The following RIMS2 variants were observed in gnomAD, a reference collection of about 807,000 sequenced individuals.
RIMS2 encodes the protein regulating synaptic membrane exocytosis 2.
Under a neutral mutation model 174.4 loss-of-function variants are expected in RIMS2, and 59 were observed. That is an observed-to-expected ratio of 0.34 (90% CI 0.27 to 0.42). The LOEUF (loss-of-function observed/expected upper bound fraction) is 0.42. RIMS2 is among the 10% of genes least tolerant of loss of function. The pLI is 1.00. For synonymous variants in RIMS2, 606 were observed against 572.5 expected (o/e 1.06, Z -0.84); for missense variants, 1,620 against 1,666.3 (o/e 0.97, Z 0.48).
chr8:103,723,382 C>T (rs2097481157), intron 2 of RIMS2, among the ~76,000 whole-genome samples: 1 of 152,204 alleles, frequency 6.6e-6, no homozygotes. Context: ...TACCAGTTAG[C>T]CTGTTCAGAG....
intron 1 of RIMS2, among the ~76,000 whole-genome samples, chr8:103,592,883 G>A (rs902715184): frequency 2.6e-5 from 4 of 151,322 alleles, no homozygotes; most frequent in South Asian, 4.2e-4. Context: ...TTAATATCCC[G>A]TGTGATGAAA....
chr8:104,198,535 A>C (rs2099037366), intron 19 of RIMS2, among the ~76,000 whole-genome samples: 1 of 152,236 alleles, frequency 6.6e-6, no homozygotes, highest in African/African-American at 2.4e-5. Flanking sequence ...CCAAATTCAC[A>C]AGAGTCACAA....
intron 1 of RIMS2, among the ~76,000 whole-genome samples, chr8:103,533,220 G>GA (rs1010303144): frequency 9.2e-5 from 14 of 152,274 alleles, no homozygotes; most frequent in African/African-American, 3.4e-4. Context: ...TGCAGGAACT[G>GA]AAAAAATGTA....
chr8:103,537,048 A>C (rs1189453106), intron 1 of RIMS2, among the ~76,000 whole-genome samples: 1 of 152,222 alleles, frequency 6.6e-6, no homozygotes, highest in East Asian at 1.9e-4. Flanking sequence ...GGCACTGGGG[A>C]TACATAGATG....
chr8:104,083,647 A>G (rs972853059), intron 19 of RIMS2, among the ~76,000 whole-genome samples: 7 of 152,194 alleles, frequency 4.6e-5, no homozygotes, highest in Admixed American at 6.5e-5. Flanking sequence ...ATTTAGTCAT[A>G]ATAAAAACAT....
At chr8:103,903,186 C>T (rs1039030252) in intron 4 of RIMS2, among the ~76,000 whole-genome samples, 1 of 152,000 alleles carries the variant, frequency 6.6e-6, no homozygotes, top group Non-Finnish European at 1.5e-5. Flanking sequence ...GATATCACAA[C>T]TAATTTTTTT....
chr8:104,147,654 T>C (rs2098652900), intron 19 of RIMS2, among the ~76,000 whole-genome samples: 1 of 152,198 alleles, frequency 6.6e-6, no homozygotes, highest in Admixed American at 6.5e-5. Context: ...TAAAACTTTC[T>C]AATACTGAGT....
chr8:104,249,805 A>G (rs1270933533), intron 22 of RIMS2, among the ~76,000 whole-genome samples: 1 of 152,216 alleles, frequency 6.6e-6, no homozygotes, highest in East Asian at 1.9e-4. Flanking sequence ...TTAAATAAGT[A>G]CATACATAGT....
chr8:103,753,662 T>G (rs1008048270), intron 2 of RIMS2, among the ~76,000 whole-genome samples: 1 of 152,116 alleles, frequency 6.6e-6, no homozygotes, highest in Non-Finnish European at 1.5e-5. Flanking sequence ...CTTGGGAGGG[T>G]GTATGTGTCC....
intron 3 of RIMS2, among the ~76,000 whole-genome samples, chr8:103,783,889 G>C (rs2098416386): frequency 6.6e-6 from 1 of 152,054 alleles, no homozygotes; most frequent in African/African-American, 2.4e-5. Context: ...CACCAACAGT[G>C]TAAAAGTGTC....
chr8:103,501,677 C>G (rs1021875715), intron 1 of RIMS2: 1 of 152,676 alleles, frequency 6.5e-6, no homozygotes, highest in Non-Finnish European at 1.5e-5. Context: ...CAGCCCCTCC[C>G]CCTCGGCGAG....
In RIMS2 at chr8:104,117,523, T is replaced by C. The variant is rs546340616; in HGVS notation, c.3334+102908T>C. 3.9e-5 allele frequency among the ~76,000 whole-genome samples: 6 copies of C among 152,260 alleles called. No homozygotes were observed. In the South Asian group the frequency reaches 1.2e-3, roughly 32 times the overall value. On this transcript the variant is annotated intron_variant, in intron 19 of 23. Coordinates refer to ENST00000504942, the Ensembl canonical transcript of RIMS2. ...GCCTGGCTAACTTTTAAATATTTTA[T>C]AGTGATGGTATCTCTCTCTGTTTTC...
At chr8:103,543,876 T>C (rs1843677051) in intron 1 of RIMS2, among the ~76,000 whole-genome samples, 1 of 152,208 alleles carries the variant, frequency 6.6e-6, no homozygotes, top group South Asian at 2.1e-4. Flanking sequence ...ATCTAAGATC[T>C]GAAACTCTTA....
chr8:104,134,936 A>T (rs1326133339), intron 19 of RIMS2, among the ~76,000 whole-genome samples: 8 of 152,180 alleles, frequency 5.3e-5, no homozygotes, highest in Non-Finnish European at 8.8e-5. Context: ...TGGATGTCTT[A>T]TTCTTCTTAG....
At chr8:103,918,378 AAT>A in intron 8 of RIMS2, 61 bp from the exon 12 acceptor site, 2 of 1,018,322 alleles carry the variant, frequency 2.0e-6, no homozygotes, top group Non-Finnish European at 2.9e-6. Flanking sequence ...AATAATAAAA[AAT>A]ATGAGTTGCA....
rs558319661 is a variant in RIMS2 at position 103,810,454 on chromosome 8, G to A, written c.698+43917G>A. Among the ~76,000 whole-genome samples, 8 of 152,124 alleles carry A rather than the reference G, an allele frequency of 5.3e-5. No individual in the cohort carries two copies. In the South Asian group the frequency reaches 1.7e-3, roughly 32 times the overall value. Reference sequence around the variant, plus strand: ...ATTTAATTGAATGTATTATATAGCTGGCAATGACAATATATTCTATTTTAT... The same window carrying A: ...ATTTAATTGAATGTATTATATAGCTAGCAATGACAATATATTCTATTTTAT... On this transcript the variant is annotated intron_variant, in intron 3 of 23. Coordinates refer to ENST00000504942, the Ensembl canonical transcript of RIMS2.
intron 3 of RIMS2, among the ~76,000 whole-genome samples, chr8:103,825,446 ATTTTT>A (rs35460743): frequency 7.6e-6 from 1 of 131,828 alleles, no homozygotes; most frequent in Admixed American, 7.8e-5. Context: ...TGGCTAGCTA[ATTTTT>A]TTTTTTTTTT....
chr8:103,748,862 A>G (rs199643434), intron 2 of RIMS2, among the ~76,000 whole-genome samples: 3 of 151,808 alleles, frequency 2.0e-5, no homozygotes, highest in Non-Finnish European at 4.4e-5. Flanking sequence ...GCGCAATGGC[A>G]TGATCTCAGC....
intron 19 of RIMS2, among the ~76,000 whole-genome samples, chr8:104,059,465 T>C (rs1040188838): frequency 1.5e-4 from 22 of 151,254 alleles, no homozygotes; most frequent in African/African-American, 5.1e-4. Context: ...TAAGGAGATT[T>C]TGGGCTGAGA....
Sources: gnomAD v4.1 joint callset for allele counts (sites outside exome capture counted in the v4.1 genomes callset) on GRCh38, gnomAD v4.1.1 for gene constraint, MANE v1.5 for transcripts, NCBI Gene and HGNC (gene_info 2026-07-23, HGNC 2026-07-21) for gene names.